MDGA2: variants seen among roughly 807,000 people sequenced by gnomAD.
MDGA2 encodes the protein MAM domain containing glycosylphosphatidylinositol anchor 2.
A neutral mutation model predicts 117.8 loss-of-function variants in MDGA2; 40 were observed. The ratio of observed to expected loss-of-function variants is 0.34; its 90% CI spans 0.26 to 0.44. MDGA2 has a LOEUF of 0.44. MDGA2 is among the 20% of genes least tolerant of loss of function. The probability of loss-of-function intolerance (pLI) is 1.00; values close to 1 mark genes in which losing one functional copy is unlikely to be tolerated. For synonymous variants in MDGA2, 452 were observed against 439.0 expected, an observed-to-expected ratio of 1.03 and a Z score of -0.37; for missense variants, 1,123 against 1,250.6, an observed-to-expected ratio of 0.90 and a Z score of 1.54.
intron 1 of MDGA2, among the ~76,000 whole-genome samples, chr14:47,486,746 T>TC (rs1894069757): frequency 1.3e-5 from 2 of 152,138 alleles, no homozygotes; most frequent in Non-Finnish European, 2.9e-5. Context: ...GGAATTTCTC[T>TC]TCACAAGCTT....
chr14:47,378,146 T>A (rs1891523956), intron 1 of MDGA2, among the ~76,000 whole-genome samples: 2 of 152,060 alleles, frequency 1.3e-5, no homozygotes, highest in South Asian at 4.2e-4. Context: ...CAGCTGAGGG[T>A]CCTGACTGTT....
chr14:47,604,287 C>T (rs1284864315), intron 1 of MDGA2, among the ~76,000 whole-genome samples: 2 of 151,952 alleles, frequency 1.3e-5, no homozygotes, highest in Non-Finnish European at 2.9e-5. Context: ...CCACCACTCT[C>T]ATCCCATGTT....
chr14:47,632,607 C>T (rs1897260571), intron 1 of MDGA2, among the ~76,000 whole-genome samples: 1 of 152,216 alleles, frequency 6.6e-6, no homozygotes, highest in African/African-American at 2.4e-5. Context: ...CCTTCATGAA[C>T]TGATCATTAT....
chr14:46,925,564 A>G (rs1049379543), intron 9 of MDGA2, among the ~76,000 whole-genome samples: 2 of 149,098 alleles, frequency 1.3e-5, no homozygotes, highest in Non-Finnish European at 3.0e-5. Flanking sequence ...TACGGGAGGC[A>G]GAGGTTGTAG....
chr14:47,349,662 A>T (rs1317649052), intron 1 of MDGA2, among the ~76,000 whole-genome samples: 1 of 152,238 alleles, frequency 6.6e-6, no homozygotes, highest in Admixed American at 6.5e-5. Context: ...TAAAAAAAAC[A>T]TGAATTAGTT....
chr14:47,080,694 C>T (rs867389773), intron 6 of MDGA2, among the ~76,000 whole-genome samples: 4 of 152,128 alleles, frequency 2.6e-5, no homozygotes, highest in Admixed American at 6.6e-5. Flanking sequence ...CACGTCAAAG[C>T]GCATTTATAG....
chr14:47,603,768 G>T (rs1229153877), intron 1 of MDGA2, among the ~76,000 whole-genome samples: 9 of 152,142 alleles, frequency 5.9e-5, no homozygotes, highest in Admixed American at 2.6e-4. Flanking sequence ...AATTCTGGAG[G>T]CAGGGCCGGG....
intron 1 of MDGA2, among the ~76,000 whole-genome samples, chr14:47,388,953 C>T (rs139300741): frequency 9.3e-4 from 142 of 152,214 alleles, no homozygotes; most frequent in Non-Finnish European, 1.7e-3. Context: ...AACTAAAGGT[C>T]GTATTTTACC....
chr14:47,400,010 T>C (rs896153515), intron 1 of MDGA2, among the ~76,000 whole-genome samples: 14 of 152,310 alleles, frequency 9.2e-5, no homozygotes, highest in Non-Finnish European at 1.9e-4. Context: ...ACTTCCCTTT[T>C]TCCCCTGACA....
chr14:47,471,398 G>T (rs1893725848), intron 1 of MDGA2, among the ~76,000 whole-genome samples: 1 of 151,926 alleles, frequency 6.6e-6, no homozygotes, highest in African/African-American at 2.4e-5. Context: ...GATTAAACTA[G>T]TTACACATGT....
intron 3 of MDGA2, among the ~76,000 whole-genome samples, chr14:47,216,278 T>G (rs775771581): frequency 2.0e-5 from 3 of 152,166 alleles, no homozygotes; most frequent in African/African-American, 7.2e-5. Context: ...GACCTATTGT[T>G]GCAGAAATGC....
intron 1 of MDGA2, among the ~76,000 whole-genome samples, chr14:47,599,354 T>A (rs1896604744): frequency 6.6e-6 from 1 of 151,896 alleles, no homozygotes; most frequent in South Asian, 2.1e-4. Flanking sequence ...TCAAATCAAA[T>A]TAAGATAATT....
chr14:46,842,039 A>G lies in MDGA2; in HGVS notation c.2990-20T>C, dbSNP rs769096987. 2 of 1,563,672 alleles carry G rather than the reference A, an allele frequency of 1.3e-6. No homozygotes were observed. The highest frequency in any genetic ancestry group is 1.4e-5 in the African/African-American group (1 of 73,886). On this transcript the variant is annotated intron_variant, in intron 16 of 16. Coordinates refer to ENST00000399232, the MANE Select transcript of MDGA2 (RefSeq NM_001113498.3). ...CGGAATCTAAAGATAAGGAAAATAA[A>G]TGCAAACAAAAAAAGAAGAATAATA...
intron 3 of MDGA2, among the ~76,000 whole-genome samples, chr14:47,155,529 A>G (rs1883331558): frequency 1.3e-5 from 2 of 152,134 alleles, no homozygotes; most frequent in African/African-American, 4.8e-5. Flanking sequence ...AGCCGCTTGC[A>G]GTACGCCTGC....
chr14:47,622,879 A>G (rs1454312658), intron 1 of MDGA2, among the ~76,000 whole-genome samples: 2 of 152,166 alleles, frequency 1.3e-5, no homozygotes, highest in Non-Finnish European at 2.9e-5. Flanking sequence ...GCCAACCAGG[A>G]AATGAATTGT....
intron 10 of MDGA2, among the ~76,000 whole-genome samples, chr14:46,883,563 C>A (rs929969588): frequency 6.6e-6 from 1 of 151,840 alleles, no homozygotes; most frequent in Non-Finnish European, 1.5e-5. Context: ...ACTTTAGTAA[C>A]AATAAAGTGT....
intron 1 of MDGA2, among the ~76,000 whole-genome samples, chr14:47,399,320 C>T (rs189860190): frequency 1.1e-4 from 17 of 151,892 alleles, no homozygotes; most frequent in African/African-American, 2.9e-4. Flanking sequence ...AGTTACTTGA[C>T]GATGAGAAGA....
chr14:47,305,302 A>C (rs1308873145), intron 1 of MDGA2: 1 of 152,178 alleles, frequency 6.6e-6, no homozygotes, highest in Non-Finnish European at 1.5e-5. Context: ...AAATTGGACT[A>C]AGGGTTAAGA....
intron 5 of MDGA2, among the ~76,000 whole-genome samples, chr14:47,127,046 CTAAAG>C (rs571839061): frequency 9.9e-5 from 15 of 152,048 alleles, no homozygotes; most frequent in South Asian, 2.1e-4. Context: ...AGAATAATTT[CTAAAG>C]TAAAGTAAGA....
Sources: gnomAD v4.1 joint callset for allele counts (sites outside exome capture counted in the v4.1 genomes callset) on GRCh38, gnomAD v4.1.1 for gene constraint, MANE v1.5 for transcripts, NCBI Gene and HGNC (gene_info 2026-07-23, HGNC 2026-07-21) for gene names.